CTNNA3: variants seen among roughly 807,000 people sequenced by gnomAD.
CTNNA3 encodes catenin alpha 3, also known as catenin alpha-3.
A neutral mutation model predicts 95.7 loss-of-function variants in CTNNA3; 76 were observed. That is an observed-to-expected ratio of 0.79 (90% confidence interval 0.66 to 0.96). CTNNA3 has a LOEUF of 0.96. CTNNA3 is among the 40% of genes least tolerant of loss of function. CTNNA3 has a pLI of 0.00. For synonymous variants in CTNNA3, 431 were observed against 374.4 expected, an observed-to-expected ratio of 1.15 and a Z score of -1.74; for missense variants, 1,191 against 1,089.8, an observed-to-expected ratio of 1.09 and a Z score of -1.31.
intron 14 of CTNNA3, among the ~76,000 whole-genome samples, chr10:66,088,795 C>T (rs773828217): frequency 6.6e-6 from 1 of 151,962 alleles, no homozygotes; most frequent in Non-Finnish European, 1.5e-5. Flanking sequence ...TTTTCATTTG[C>T]ATTTTTGTAA....
At chr10:66,220,443 G>C (rs1433600667) in intron 13 of CTNNA3, among the ~76,000 whole-genome samples, 1 of 152,158 alleles carries the variant, frequency 6.6e-6, no homozygotes, top group Non-Finnish European at 1.5e-5. Flanking sequence ...GCAGAACTCT[G>C]TGTGGCCCCG....
At chr10:67,293,755 G>C (rs1045916525) in intron 5 of CTNNA3, among the ~76,000 whole-genome samples, 1 of 147,368 alleles carries the variant, frequency 6.8e-6, no homozygotes. Flanking sequence ...CTATGAGTGA[G>C]AGCATGCGGT....
intron 1 of CTNNA3, among the ~76,000 whole-genome samples, chr10:67,720,386 G>C (rs1277862786): frequency 1.3e-5 from 2 of 151,494 alleles, no homozygotes; most frequent in African/African-American, 4.9e-5. Flanking sequence ...GTGTGAATTT[G>C]ATTCTGTCAT....
At chr10:66,937,372 T>C (rs1847765429) in intron 7 of CTNNA3, among the ~76,000 whole-genome samples, 1 of 152,182 alleles carries the variant, frequency 6.6e-6, no homozygotes, top group South Asian at 2.1e-4. Context: ...CTCATAAAGA[T>C]CCTATGAAGA....
In CTNNA3 at chr10:66,379,232, A is replaced by G; in HGVS notation, c.1652T>C (p.Val551Ala). 1 of 1,614,124 alleles carries G rather than the reference A, an allele frequency of 6.2e-7. No homozygotes were observed. The highest frequency in any genetic ancestry group is 8.5e-7 in the Non-Finnish European group (1 of 1,179,992). ...RGRAARVAHI[V>A]TGEMDSYEPG... ...CTCGTAACTGTCCATTTCACCCGTG[A>G]CGATGTGAGCAACTCTTGCTGCCCG... is the stretch of plus-strand genomic sequence containing the variant. The change falls in exon 12 of 18, where the codon GTC becomes GCC. Residue 551 changes from valine to alanine, a missense_variant. Coordinates refer to ENST00000433211, the MANE Select transcript of CTNNA3 (RefSeq NM_013266.4).
chr10:66,113,214 T>C (rs550071007), intron 13 of CTNNA3, among the ~76,000 whole-genome samples: 23 of 152,198 alleles, frequency 1.5e-4, no homozygotes, highest in African/African-American at 5.5e-4. Context: ...ATGTCCATGA[T>C]GATTAGTGGT....
Position 65,940,616 on chromosome 10 carries a change from C to T in CTNNA3, c.2401-19999G>A, listed in dbSNP as rs538225846. On this transcript the variant is annotated intron_variant, in intron 17 of 17. Coordinates refer to ENST00000433211, the MANE Select transcript of CTNNA3 (RefSeq NM_013266.4). Reference sequence around the variant, plus strand: ...TTTTACTTAGAGACCTGTGATTACACACATGTGGTTTTAGCAAAAACAGAA... The same window carrying T: ...TTTTACTTAGAGACCTGTGATTACATACATGTGGTTTTAGCAAAAACAGAA... 1.6e-4 allele frequency among the ~76,000 whole-genome samples: 24 copies of T among 152,276 alleles called. No homozygotes were observed. In the South Asian group the frequency reaches 2.5e-3, roughly 16 times the overall value.
rs1180406711 is a variant in CTNNA3 at position 67,671,967 on chromosome 10, G to GTCCCACCAACAGTGTAAAATTGT, written c.-6+24010_-6+24032dup. Among the ~76,000 whole-genome samples, 93 of 152,246 alleles carry GTCCCACCAACAGTGTAAAATTGT rather than the reference G, an allele frequency of 6.1e-4. No homozygotes were observed. In the East Asian group the frequency reaches 0.017, roughly 28 times the overall value. On this transcript the variant is annotated intron_variant, in intron 1 of 17. Transcript: ENST00000433211. ...TCCACAATGGTTGAACTAGTTTACA[G>GTCCCACCAACAGTGTAAAATTGT]TCCCACCAACAGTGTAAAATTGTTC...
chr10:66,600,934 C>T (rs565611032), intron 10 of CTNNA3, among the ~76,000 whole-genome samples: 1 of 151,786 alleles, frequency 6.6e-6, no homozygotes, highest in Non-Finnish European at 1.5e-5. Context: ...AAATTAAACT[C>T]TGATGAAATA....
intron 11 of CTNNA3, among the ~76,000 whole-genome samples, chr10:66,435,752 T>C (rs1192749720): frequency 6.6e-6 from 1 of 152,220 alleles, no homozygotes; most frequent in Non-Finnish European, 1.5e-5. Flanking sequence ...GCTTCTCTAG[T>C]TCTTTTCATT....
In CTNNA3 at chr10:66,017,594, C is replaced by T. The variant is rs191741061; in HGVS notation, c.2160-28797G>A. On this transcript the variant is annotated intron_variant, in intron 15 of 17. Coordinates refer to ENST00000433211, the MANE Select transcript of CTNNA3 (RefSeq NM_013266.4). ...AAAATTTGGCTGACTTACAAAATGG[C>T]AGTGAGTTGGTGAATTAGGACAAGT... Among the ~76,000 whole-genome samples, 336 of 152,154 alleles carry T rather than the reference C, an allele frequency of 2.2e-3. 3 individuals are homozygous for T. The highest frequency in any genetic ancestry group is 4.5e-3 in the Admixed American group (68 of 15,280).
intron 15 of CTNNA3, among the ~76,000 whole-genome samples, chr10:66,047,029 C>G (rs968050131): frequency 6.6e-6 from 1 of 152,154 alleles, no homozygotes; most frequent in African/African-American, 2.4e-5. Flanking sequence ...GATGGAAACA[C>G]AGCCGAATTC....
chr10:67,143,128 CTCTT>C (rs928583072), intron 7 of CTNNA3, among the ~76,000 whole-genome samples: 3 of 151,738 alleles, frequency 2.0e-5, no homozygotes, highest in African/African-American at 7.3e-5. Context: ...CATCGATTGA[CTCTT>C]TCTTTCACAA....
chr10:66,731,929 T>A (rs779087664), intron 9 of CTNNA3, among the ~76,000 whole-genome samples: 4 of 152,188 alleles, frequency 2.6e-5, no homozygotes, highest in Non-Finnish European at 5.9e-5. Context: ...ATGTAACAGT[T>A]TTTGGTAAAA....
intron 8 of CTNNA3, among the ~76,000 whole-genome samples, chr10:66,771,090 T>G (rs1840069018): frequency 1.3e-5 from 2 of 152,250 alleles, no homozygotes; most frequent in East Asian, 3.9e-4. Context: ...GGTGAACTGG[T>G]ACTATGCAAC....
At chr10:66,838,060 G>A (rs917109308) in intron 7 of CTNNA3, among the ~76,000 whole-genome samples, 1 of 152,002 alleles carries the variant, frequency 6.6e-6, no homozygotes, top group Non-Finnish European at 1.5e-5. Flanking sequence ...GGGCAATAAG[G>A]CATTTTTCAA....
intron 1 of CTNNA3, among the ~76,000 whole-genome samples, chr10:67,691,490 C>T (rs1326682063): frequency 8.6e-5 from 13 of 151,952 alleles, no homozygotes; most frequent in Admixed American, 2.0e-4. Context: ...AAGTGAGGAG[C>T]GTCTCTGCCC....
At chr10:66,869,658 G>A (rs773941557) in intron 7 of CTNNA3, among the ~76,000 whole-genome samples, 1 of 151,918 alleles carries the variant, frequency 6.6e-6, no homozygotes, top group Non-Finnish European at 1.5e-5. Context: ...GACAAACTGG[G>A]GTCAGGTTGG....
intron 7 of CTNNA3, among the ~76,000 whole-genome samples, chr10:66,800,962 T>A (rs71496014): frequency 0.035 from 5,287 of 151,270 alleles, 235 homozygotes; most frequent in East Asian, 0.23. Flanking sequence ...CTAAACAAAA[T>A]ATAATTTTTC....
Sources: allele counts gnomAD v4.1 joint callset (sites outside exome capture counted in the v4.1 genomes callset), GRCh38; gene constraint gnomAD v4.1.1; transcripts MANE v1.5; gene names NCBI Gene and HGNC (gene_info 2026-07-23, HGNC 2026-07-21).